HCFC1: variants seen among roughly 807,000 people sequenced by gnomAD.
HCFC1 encodes the protein host cell factor C1, also known as host cell factor 1.
A neutral mutation model predicts 105.5 loss-of-function variants in HCFC1; 7 were observed. The observed-to-expected ratio is 0.07, with a 90% CI of 0.04 to 0.12. The LOEUF is 0.12. Among genes scored for constraint, HCFC1 ranks in the 10% least tolerant of loss-of-function variants. The pLI is 1.00. For synonymous variants in HCFC1, 918 were observed against 828.1 expected (o/e 1.11, Z -1.86); for missense variants, 1,065 against 1,823.6 (o/e 0.58, Z 7.58).
chrX:153,950,122 G>A (rs962249878), intron 24 of HCFC1, 121 bp downstream of exon 24: 34 of 763,493 alleles, frequency 4.5e-5, no homozygotes, highest in Middle Eastern at 4.8e-4. Context: ...CTGTGTGCGC[G>A]CCAAAGGAAG....
Position 153,952,697 on chromosome X carries a change from G to C in HCFC1, c.4759C>G (p.Leu1587Val). 1 of 1,210,147 alleles carries C rather than the reference G, an allele frequency of 8.3e-7. No homozygotes were observed. The highest frequency in any genetic ancestry group is 1.7e-5 in the African/African-American group (1 of 58,093). Residue 1587 changes from leucine to valine, a missense_variant, in exon 19 of 26, where the codon CTT (leucine) becomes GTT (valine). This residue lies in a region of HCFC1 where 546 missense variants were observed against 599.9 expected (regional missense o/e 0.91). Coordinates refer to ENST00000310441, the MANE Select transcript of HCFC1 (RefSeq NM_005334.3). ...PTQSEVDQLS[L>V]PQELMAEAQA... Reference sequence around the variant, plus strand: ...GCCTCGGCCATTAGCTCTTGGGGAAGTGATAACTGGTCTACTTCGGACTGT... The same window carrying C: ...GCCTCGGCCATTAGCTCTTGGGGAACTGATAACTGGTCTACTTCGGACTGT...
At chrX:153,951,776 C>T (rs1444563822) in intron 20 of HCFC1, 65 bp downstream of exon 20, 21 of 1,167,305 alleles carry the variant, frequency 1.8e-5, no homozygotes, top group African/African-American at 3.5e-5. Flanking sequence ...CCGAGCCTCC[C>T]GTCCTGCCCT....
At chrX:153,959,216 A>G (rs1383010764) in intron 9 of HCFC1, 115 bp downstream of exon 9, 2 of 767,437 alleles carry the variant, frequency 2.6e-6, no homozygotes, top group East Asian at 3.4e-5. Flanking sequence ...CAGGAGGGAA[A>G]GGTGTGGGGT....
chrX:153,964,038 C>A, intron 3 of HCFC1, 86 bp downstream of exon 3: 1 of 857,831 alleles, frequency 1.2e-6, no homozygotes, highest in Non-Finnish European at 1.6e-6. Context: ...GGCTCTGCTG[C>A]GCACATTCTT....
chrX:153,955,073 C>G lies in HCFC1; in HGVS notation c.3326G>C (p.Cys1109Ser). Residue 1109 changes from cysteine (C) to serine (S), a missense_variant, in exon 17 of 26, where the codon TGC (cysteine) becomes TCC (serine). Cys to Ser is a moderately radical substitution (Grantham distance 112). This residue lies in a region of HCFC1 where 546 missense variants were observed against 599.9 expected (regional missense o/e 0.91). Coordinates refer to ENST00000310441, the MANE Select transcript of HCFC1 (RefSeq NM_005334.3). ...GGTGGTGCCCGTCTCGTGGGTCTCGCAGGGTGGGTTTGAGCAGCCATGCTG... is the reference window on the plus strand; with the variant it reads ...GGTGGTGCCCGTCTCGTGGGTCTCGGAGGGTGGGTTTGAGCAGCCATGCTG... ...AGQHGCSNPPCETHETGTTNT... is the reference protein window; with the variant it reads ...AGQHGCSNPPSETHETGTTNT... The G allele has an allele frequency of 8.3e-7, 1 of 1,210,888 alleles. No individual in the cohort carries two copies. Among genetic ancestry groups the G allele is most frequent in the Non-Finnish European group, 1.1e-6 (1 of 895,083 alleles).
Position 153,970,651 on chromosome X carries a change from T to C in HCFC1, c.190A>G (p.Thr64Ala). The change falls in exon 1 of 26, where the codon ACG (threonine) becomes GCG (alanine). Residue 64 changes from threonine to alanine, a missense_variant. By Grantham distance (58) the Thr-to-Ala change is moderately conservative. Transcript: ENST00000310441. ...GIVDELHVYN[T>A]ATNQWFIPAV... ...ACCCAGCGGGCTTTGCACTCACCCG[T>C]GTTGTACACGTGCAGTTCGTCCACT... The C allele has an allele frequency of 8.3e-7, 1 of 1,202,532 alleles. No homozygotes were observed. Among genetic ancestry groups the C allele is most frequent in the Non-Finnish European group, 1.1e-6 (1 of 890,045 alleles).
chrX:153,961,661 AG>A lies in HCFC1; in HGVS notation c.798-14del, dbSNP rs1385332394. On this transcript the variant is annotated splice_polypyrimidine_tract_variant and intron_variant, in intron 5 of 25. Coordinates refer to ENST00000310441, the MANE Select transcript of HCFC1 (RefSeq NM_005334.3). ...AAACACGTACATTCTGGGAGTGAGGAGGGAAGAGTGGGAAAGGATTGTAGAG... is the reference window on the plus strand; with the variant it reads ...AAACACGTACATTCTGGGAGTGAGGAGGAAGAGTGGGAAAGGATTGTAGAG... 1 of 1,146,914 alleles carries A rather than the reference AG, an allele frequency of 8.7e-7. No homozygotes were observed. Among genetic ancestry groups the A allele is most frequent in the East Asian group, 3.0e-5 (1 of 33,503 alleles). The allele number at this position is 1,146,914 out of a possible 1,213,427, so 94.5% of individuals were successfully genotyped here. A position where few individuals can be genotyped will look rare whatever the true frequency, so the allele number is the denominator to read the frequency against.
intron 6 of HCFC1, among the ~76,000 whole-genome samples, chrX:153,960,669 G>A (rs2065421014): frequency 8.9e-6 from 1 of 112,746 alleles, no homozygotes. Flanking sequence ...GCCCGTTAAA[G>A]AACACTACAA....
rs1394418679 is a variant in HCFC1 at position 153,957,330 on chromosome X, G to A, written c.2337C>T (p.Thr779=). ...GGCCCCTACCCGTGGCGCCCGCCTG[G>A]GTGATGATGGCCGACATGGGGATGG... ...IKTIPMSAII[T]QAGATGVTSS... Residue 779 remains threonine, a synonymous_variant, in exon 13 of 26, where the codon ACC becomes ACT. Transcript: ENST00000310441. The A allele has an allele frequency of 1.7e-6, 2 of 1,200,075 alleles. No homozygotes were observed. Among genetic ancestry groups the A allele is most frequent in the Non-Finnish European group, 2.3e-6 (2 of 887,168 alleles).
Position 153,971,457 on chromosome X carries a change from G to C in HCFC1, c.-617C>G, listed in dbSNP as rs990728332. The C allele has an allele frequency of 3.1e-5, 9 of 293,938 alleles. No homozygotes were observed. In the Admixed American group the frequency reaches 5.5e-4, roughly 18 times the overall value. 24.2% of individuals were successfully genotyped at this position (293,938 alleles called of 1,213,427 possible). ...ACACCTAACGAATGGAGGCGGGCCG[G>C]AGGCCGGTGGAACCAGCTCGAGCTC... On this transcript the variant is annotated 5_prime_UTR_variant, in exon 1 of 26. Transcript: ENST00000310441.
Position 153,949,320 on chromosome X carries a change from A to C in HCFC1, c.*27T>G. On this transcript the variant is annotated 3_prime_UTR_variant, in exon 26 of 26. Transcript: ENST00000310441. The stretch of plus-strand genomic sequence containing the variant: ...TTCCTGAAGCAGGGGGGTCTGGAGA[A>C]GAATCCAGGGGCTAGTCAGCTTCCT... The C allele has an allele frequency of 8.4e-7, 1 of 1,188,796 alleles. No homozygotes were observed.
In HCFC1 at chrX:153,957,324, C is replaced by T. The variant is rs782368854; in HGVS notation, c.2343G>A (p.Ala781=). Residue 781 remains alanine, a synonymous_variant, in exon 13 of 26, where the codon GCG becomes GCA. Coordinates refer to ENST00000310441, the MANE Select transcript of HCFC1 (RefSeq NM_005334.3). The part of the protein sequence containing the change: ...TIPMSAIITQ[A]GATGVTSSPG... Reference sequence around the variant, plus strand: ...GGGGGAGGCCCCTACCCGTGGCGCCCGCCTGGGTGATGATGGCCGACATGG... The same window carrying T: ...GGGGGAGGCCCCTACCCGTGGCGCCTGCCTGGGTGATGATGGCCGACATGG... 1.1e-5 allele frequency: 13 copies of T among 1,195,260 alleles called. No homozygotes were observed. The highest frequency in any genetic ancestry group is 1.7e-5 in the African/African-American group (1 of 57,143).
chrX:153,959,111 TG>T (rs2065404832), intron 9 of HCFC1, among the ~76,000 whole-genome samples: 2 of 113,032 alleles, frequency 1.8e-5, no homozygotes, highest in Admixed American at 9.3e-5. Flanking sequence ...ACGTGGCAAA[TG>T]CTCTTAGGAT....
Position 153,964,126 on chromosome X carries a change from T to G in HCFC1, c.501A>C (p.Pro167=). Residue 167 remains proline, a splice_region_variant and synonymous_variant, in exon 3 of 26, where the codon CCA becomes CCC. Transcript: ENST00000310441. ...CAGAGAAAAGGACCAAGCCTCACCT[T>G]GGAATGTTGTTCTTTGGGTCCTCGC... ...NDSEDPKNNI[P]RYLNDLYILE... 8.3e-7 allele frequency: 1 copy of G among 1,198,437 alleles called. No individual in the cohort carries two copies. The highest frequency in any genetic ancestry group is 1.1e-6 in the Non-Finnish European group (1 of 887,149).
At chrX:153,968,248 A>G (rs1557118904) in intron 1 of HCFC1, among the ~76,000 whole-genome samples, 1 of 111,617 alleles carries the variant, frequency 9.0e-6, no homozygotes, top group African/African-American at 3.3e-5. Context: ...AGCTACCCTA[A>G]GAGCTCTCAA....
intron 20 of HCFC1, 41 bp downstream of exon 20, chrX:153,951,800 G>T: frequency 8.5e-7 from 1 of 1,171,631 alleles, no homozygotes; most frequent in Non-Finnish European, 1.1e-6. Flanking sequence ...CTCCCTGGGT[G>T]CCCCCACCAC....
chrX:153,950,675 G>A (rs2065301814), intron 23 of HCFC1, 132 bp from the exon 24 acceptor site: 13 of 870,018 alleles, frequency 1.5e-5, no homozygotes, highest in Non-Finnish European at 2.1e-5. Context: ...GCTTCAAAGA[G>A]ATCTTCCCCC....
intron 13 of HCFC1, 84 bp from the exon 14 acceptor site, chrX:153,957,144 G>T: frequency 9.3e-7 from 1 of 1,080,900 alleles, no homozygotes; most frequent in Non-Finnish European, 1.3e-6. Context: ...ACATCCACAA[G>T]TCACAGCCAT....
rs1379669528 is a variant in HCFC1 at position 153,970,860 on chromosome X, G to A, written c.-20C>T. 3.6e-6 allele frequency: 4 copies of A among 1,125,946 alleles called. No homozygotes were observed. In the African/African-American group the frequency reaches 7.5e-5, roughly 21 times the overall value. The allele number at this position is 1,125,946 out of a possible 1,213,427, so 92.8% of individuals were successfully genotyped here. A position where few individuals can be genotyped will look rare whatever the true frequency, so the allele number is the denominator to read the frequency against. ...AGCCATAGTTCCGGGAAAGGGTGCG[G>A]TGGGGAGAAGTCAACAAGCGGGAAG... On this transcript the variant is annotated 5_prime_UTR_variant, in exon 1 of 26. Transcript: ENST00000310441.
Sources: gnomAD v4.1 joint callset for allele counts (sites outside exome capture counted in the v4.1 genomes callset) on GRCh38, gnomAD v4.1.1 for gene constraint, gnomAD v4.1.1 regional missense constraint, MANE v1.5 for transcripts, NCBI Gene and HGNC (gene_info 2026-07-23, HGNC 2026-07-21) for gene names.